Variants in CR1 observed in about 807,000 individuals in gnomAD.
CR1 encodes complement receptor type 1.
In CR1, 116 loss-of-function variants were observed where a neutral mutation model predicts 187.3. The ratio of observed to expected loss-of-function variants is 0.62; its 90% confidence interval spans 0.53 to 0.72. The LOEUF is 0.72. Among genes scored for constraint, CR1 ranks in the 30% least tolerant of loss-of-function variants. The pLI is 0.00. For missense variants in CR1, 1,731 were observed against 2,110.7 expected (o/e 0.82, Z 3.52); for synonymous variants, 576 against 747.1 (o/e 0.77, Z 3.73).
chr1:207,526,710 T>C lies in CR1; in HGVS notation c.887-43T>C, dbSNP rs757077765. On this transcript the variant is annotated intron_variant, in intron 5 of 46. Transcript: ENST00000367049. ...GGCCAGTTTAACAGTGAGAAAAAAG[T>C]TGTTTTCACACAATTAGCTGTACTT... The C allele has an allele frequency of 2.0e-5, 30 of 1,489,848 alleles. 3 individuals carry two copies. In the East Asian group the frequency reaches 7.3e-4, roughly 36 times the overall value. 92.3% of individuals were successfully genotyped at this position (1,489,848 alleles called of 1,614,324 possible). A position where few individuals can be genotyped will look rare whatever the true frequency, so the allele number is the denominator to read the frequency against.
intron 4 of CR1, among the ~76,000 whole-genome samples, chr1:207,516,458 G>T (rs1445405422): frequency 6.6e-6 from 1 of 152,154 alleles, no homozygotes; most frequent in Non-Finnish European, 1.5e-5. Flanking sequence ...GCATCTTCAA[G>T]ATTTACTTGG....
intron 45 of CR1, among the ~76,000 whole-genome samples, chr1:207,626,366 C>G (rs1235805020): frequency 6.6e-6 from 1 of 152,170 alleles, no homozygotes; most frequent in Non-Finnish European, 1.5e-5. Flanking sequence ...ATTAATCATG[C>G]AGTCATACCT....
At chr1:207,617,921 T>C in intron 41 of CR1, 150 bp from the exon 42 acceptor site, 2 of 747,964 alleles carry the variant, frequency 2.7e-6, no homozygotes, top group Admixed American at 6.0e-5. Flanking sequence ...CGTCTTTCAC[T>C]GATCAAATAG....
intron 27 of CR1, 129 bp from the exon 28 acceptor site, chr1:207,575,466 A>G (rs1285823448): frequency 3.6e-6 from 4 of 1,124,334 alleles, no homozygotes; most frequent in Non-Finnish European, 5.3e-6. Context: ...GCTGGAAACA[A>G]TAGGTAAAGT....
intron 3 of CR1, among the ~76,000 whole-genome samples, chr1:207,509,596 A>G (rs1235880439): frequency 3.9e-5 from 6 of 152,238 alleles, no homozygotes; most frequent in African/African-American, 1.4e-4. Flanking sequence ...CTCATATTTA[A>G]AATGTTCAGT....
In CR1 at chr1:207,640,283, T is replaced by A. The variant is rs1471281791; in HGVS notation, c.*874T>A. ...ACCAGTAGATGGGACTACAGGCACC[T>A]GCCAACACGCCCGGCTAATTTTTTT... On this transcript the variant is annotated 3_prime_UTR_variant, in exon 47 of 47. Coordinates refer to ENST00000367049, the MANE Select transcript of CR1 (RefSeq NM_000651.6). 6.6e-6 allele frequency: 1 copy of A among 152,138 alleles called. No homozygotes were observed. The highest frequency in any genetic ancestry group is 2.4e-5 in the African/African-American group (1 of 41,418). The allele number at this position is 152,138 out of a possible 1,614,324, so 9.4% of individuals were successfully genotyped here. A position where few individuals can be genotyped will look rare whatever the true frequency, so the allele number is the denominator to read the frequency against.
intron 5 of CR1, among the ~76,000 whole-genome samples, chr1:207,525,258 C>T (rs1660133716): frequency 6.6e-6 from 1 of 151,580 alleles, no homozygotes; most frequent in Admixed American, 6.6e-5. Context: ...GACATAGAGC[C>T]AAATCATATC....
In CR1 at chr1:207,566,763, G is replaced by T. The variant is rs139691972; in HGVS notation, c.3952+840G>T. On this transcript the variant is annotated intron_variant, in intron 24 of 46. Coordinates refer to ENST00000367049, the MANE Select transcript of CR1 (RefSeq NM_000651.6). ...TACTGATTTCTCCTAGTCTACCCAT[G>T]TATAATTTCCCCAATGGAAGATAGA... Among the ~76,000 whole-genome samples, 238 of 150,324 alleles carry T rather than the reference G, an allele frequency of 1.6e-3. 2 individuals carry two copies. The highest frequency in any genetic ancestry group is 0.014 in the East Asian group (72 of 5,180).
At chr1:207,598,598 A>G (rs755189822) in intron 35 of CR1, among the ~76,000 whole-genome samples, 17 of 152,056 alleles carry the variant, frequency 1.1e-4, no homozygotes, top group Non-Finnish European at 2.2e-4. Flanking sequence ...TTCTGTATTT[A>G]TAGTAGAGAC....
intron 35 of CR1, among the ~76,000 whole-genome samples, chr1:207,596,186 C>T (rs1661437121): frequency 6.6e-6 from 1 of 151,684 alleles, no homozygotes; most frequent in African/African-American, 2.4e-5. Context: ...CTTTCTGTCT[C>T]TCTTTTGGGA....
intron 4 of CR1, among the ~76,000 whole-genome samples, chr1:207,520,137 A>G (rs55784694): frequency 5.3e-5 from 8 of 152,304 alleles, no homozygotes; most frequent in African/African-American, 1.9e-4. Context: ...TCCATTTAGA[A>G]TATGTTTAGC....
intron 41 of CR1, among the ~76,000 whole-genome samples, chr1:207,617,429 T>C (rs558792073): frequency 7.0e-6 from 1 of 143,494 alleles, no homozygotes; most frequent in African/African-American, 2.5e-5. Context: ...ATATGGCACA[T>C]GTATACCTAT....
intron 35 of CR1, among the ~76,000 whole-genome samples, chr1:207,590,660 G>C (rs1490384471): frequency 2.0e-5 from 3 of 152,156 alleles, no homozygotes; most frequent in Admixed American, 6.6e-5. Context: ...AAAAGACACT[G>C]ACTGGCAAAT....
intron 36 of CR1, 73 bp downstream of exon 36, chr1:207,607,409 T>C: frequency 8.8e-7 from 1 of 1,131,490 alleles, no homozygotes; most frequent in Admixed American, 1.7e-5. Context: ...AAAGAATAAA[T>C]TGAATCCTTC....
Position 207,567,844 on chromosome 1 carries a change from C to G in CR1, c.3973C>G (p.Pro1325Ala), listed in dbSNP as rs1181808330. ...VCEQIFCPSP[P>A]VIPNGRHTGK... Reference sequence around the variant, plus strand: ...TCTAGAAATCTTTTGTCCAAGTCCTCCAGTTATTCCTAATGGGAGACACAC... The same window carrying G: ...TCTAGAAATCTTTTGTCCAAGTCCTGCAGTTATTCCTAATGGGAGACACAC... The change falls in exon 25 of 47, where the codon CCA (proline) becomes GCA (alanine). Residue 1325 changes from proline to alanine, a missense_variant. Transcript: ENST00000367049. The G allele has an allele frequency of 6.2e-7, 1 of 1,611,024 alleles. No homozygotes were observed. The highest frequency in any genetic ancestry group is 2.2e-5 in the East Asian group (1 of 44,876).
At chr1:207,524,767 G>T (rs1212526788) in intron 5 of CR1, among the ~76,000 whole-genome samples, 1 of 151,776 alleles carries the variant, frequency 6.6e-6, no homozygotes, top group African/African-American at 2.4e-5. Context: ...AAACTGGATT[G>T]CAAGTCCACC....
At position 207,566,400 on chromosome 1, in the gene CR1, C is replaced by T. The variant is rs1341871388; in HGVS notation, c.3952+477C>T. Reference sequence around the variant, plus strand: ...GATAATACACAAATATTGAACATGGCTTTATTTAATCAATATTTATTGATC... The same window carrying T: ...GATAATACACAAATATTGAACATGGTTTTATTTAATCAATATTTATTGATC... On this transcript the variant is annotated intron_variant, in intron 24 of 46. Coordinates refer to ENST00000367049, the MANE Select transcript of CR1 (RefSeq NM_000651.6). 4.0e-5 allele frequency among the ~76,000 whole-genome samples: 6 copies of T among 150,024 alleles called. No individual in the cohort carries two copies. In the East Asian group the frequency reaches 9.7e-4, roughly 24 times the overall value.
rs1179969727 is a variant in CR1, at chr1:207,526,873, C to T, written c.1007C>T (p.Ala336Val). The change falls in exon 6 of 47, where the codon GCG becomes GTG. Residue 336 changes from alanine (A) to valine (V), a missense_variant. Transcript: ENST00000367049. ...CCCGGCTACGACCTCAGAGGGGCTG[C>T]GTCTATGCGCTGCACACCCCAGGGA... The part of the protein sequence containing the change: ...CEPGYDLRGA[A>V]SMRCTPQGDW... 4.7e-6 allele frequency: 7 copies of T among 1,495,946 alleles called. 1 individual carries two copies. The highest frequency in any genetic ancestry group is 3.9e-5 in the South Asian group (3 of 77,128). 92.7% of individuals were successfully genotyped at this position (1,495,946 alleles called of 1,614,324 possible).
intron 4 of CR1, among the ~76,000 whole-genome samples, chr1:207,512,867 C>A (rs1659665121): frequency 6.6e-6 from 1 of 152,174 alleles, no homozygotes; most frequent in Admixed American, 6.5e-5. Flanking sequence ...TCTGTTTCTA[C>A]TTCTGTAACC....
Sources: allele counts gnomAD v4.1 joint callset (sites outside exome capture counted in the v4.1 genomes callset), GRCh38; gene constraint gnomAD v4.1.1; transcripts MANE v1.5; gene names NCBI Gene and HGNC (gene_info 2026-07-23, HGNC 2026-07-21).